The following ROBO2 variants were observed in gnomAD, a reference collection of about 807,000 sequenced individuals.
The protein encoded by ROBO2 is roundabout homolog 2.
ROBO2 carries 53 observed loss-of-function variants against 160.8 expected under a neutral mutation model. The ratio of observed to expected loss-of-function variants is 0.33; its 90% confidence interval spans 0.26 to 0.41. The LOEUF is 0.41. ROBO2 is among the 10% of genes least tolerant of loss of function. The pLI is 1.00. For synonymous variants in ROBO2, 664 were observed against 611.7 expected, an observed-to-expected ratio of 1.09 and a Z score of -1.26; for missense variants, 1,577 against 1,722.4, an observed-to-expected ratio of 0.92 and a Z score of 1.49.
chr3:77,384,861 C>A (rs1477735130), intron 2 of ROBO2, among the ~76,000 whole-genome samples: 1 of 152,118 alleles, frequency 6.6e-6, no homozygotes, highest in African/African-American at 2.4e-5. Flanking sequence ...ATAAATTTCC[C>A]TTCCCCCATT....
chr3:77,291,462 G>A lies in ROBO2; in HGVS notation c.389-185952G>A, dbSNP rs62249759. On this transcript the variant is annotated intron_variant, in intron 2 of 25. Transcript: ENST00000461745. ...ACCCCAGACATGAAGTAAAATTGAT[G>A]GTTAAACGGGTAGGCTGAGGCTAGA... Among the ~76,000 whole-genome samples the A allele has an allele frequency of 4.6e-3, 687 of 150,700 alleles. 6 individuals carry two copies. The highest frequency in any genetic ancestry group is 0.011 in the Middle Eastern group (3 of 272).
chr3:76,369,609 C>T (rs2076001241), intron 2 of ROBO2, among the ~76,000 whole-genome samples: 1 of 151,902 alleles, frequency 6.6e-6, no homozygotes, highest in Non-Finnish European at 1.5e-5. Context: ...CGTTCTCTCA[C>T]ATTTATTGTA....
At chr3:76,368,756 G>T (rs759627756) in intron 2 of ROBO2, among the ~76,000 whole-genome samples, 9 of 151,912 alleles carry the variant, frequency 5.9e-5, no homozygotes, top group Admixed American at 1.3e-4. Flanking sequence ...CAGGACGTGG[G>T]ATCTATGTTC....
chr3:76,408,270 C>G (rs1244901274), intron 2 of ROBO2, among the ~76,000 whole-genome samples: 1 of 151,990 alleles, frequency 6.6e-6, no homozygotes, highest in African/African-American at 2.4e-5. Context: ...AAGGTGGGCT[C>G]AGTTGGCATG....
At chr3:75,980,588 G>A (rs975813810) in intron 2 of ROBO2, among the ~76,000 whole-genome samples, 3 of 151,518 alleles carry the variant, frequency 2.0e-5, no homozygotes, top group African/African-American at 2.4e-5. Flanking sequence ...TCGAGTTTCT[G>A]TAGTCAAACT....
chr3:76,176,427 A>G (rs2073233991), intron 2 of ROBO2, among the ~76,000 whole-genome samples: 1 of 152,152 alleles, frequency 6.6e-6, no homozygotes, highest in Admixed American at 6.6e-5. Flanking sequence ...AATTTTGTGG[A>G]TAGTCATGAA....
chr3:77,283,267 G>A (rs1352777821), intron 2 of ROBO2, among the ~76,000 whole-genome samples: 3 of 152,152 alleles, frequency 2.0e-5, no homozygotes, highest in Admixed American at 6.5e-5. Flanking sequence ...TCAGCCAAGC[G>A]TGAAGGAGCA....
chr3:76,222,182 C>T (rs1328477243), intron 2 of ROBO2, among the ~76,000 whole-genome samples: 2 of 152,132 alleles, frequency 1.3e-5, no homozygotes, highest in African/African-American at 2.4e-5. Flanking sequence ...CCACGTGGCA[C>T]CAAAACACGT....
rs143820274 is a variant in ROBO2, at chr3:76,908,420, G to C, written c.110-189594G>C. 1.3e-3 allele frequency among the ~76,000 whole-genome samples: 194 copies of C among 152,178 alleles called. 3 individuals carry two copies. The East Asian group carries it at 0.037, about 29-fold the overall frequency. On this transcript the variant is annotated intron_variant, in intron 2 of 26. Transcript: ENST00000487694. The stretch of plus-strand genomic sequence containing the variant: ...AAGCAGCATTCTCAGCACAGACCCA[G>C]ATATATCAGTCATTGATGTGACACC...
chr3:76,864,464 T>C (rs2071142741), intron 2 of ROBO2, among the ~76,000 whole-genome samples: 1 of 152,034 alleles, frequency 6.6e-6, no homozygotes, highest in East Asian at 1.9e-4. Flanking sequence ...TTTCTGCATT[T>C]CATATCCCAT....
At chr3:77,284,536 T>C (rs556088218) in intron 2 of ROBO2, among the ~76,000 whole-genome samples, 1 of 152,172 alleles carries the variant, frequency 6.6e-6, no homozygotes, top group Non-Finnish European at 1.5e-5. Flanking sequence ...TGCTAGGTCA[T>C]GGAGACTGAG....
At chr3:75,940,041 C>A (rs1947976434) in intron 2 of ROBO2, among the ~76,000 whole-genome samples, 1 of 152,092 alleles carries the variant, frequency 6.6e-6, no homozygotes. Context: ...AGATTATTTT[C>A]ACATTATTTC....
At chr3:76,687,686 A>G (rs1387165480) in intron 2 of ROBO2, among the ~76,000 whole-genome samples, 1 of 152,108 alleles carries the variant, frequency 6.6e-6, no homozygotes, top group Non-Finnish European at 1.5e-5. Flanking sequence ...GATCAGCTTC[A>G]AAAAGCAGGA....
At chr3:77,066,438 A>C (rs950867120) in intron 1 of ROBO2, among the ~76,000 whole-genome samples, 5 of 152,288 alleles carry the variant, frequency 3.3e-5, no homozygotes, top group East Asian at 3.9e-4. Context: ...TCTTTGTTCT[A>C]TAGTTTCCTG....
At chr3:77,346,807 A>G (rs1198910073) in intron 2 of ROBO2, among the ~76,000 whole-genome samples, 4 of 152,058 alleles carry the variant, frequency 2.6e-5, no homozygotes. Flanking sequence ...AGCCGGCAAA[A>G]CGATCAAGTC....
chr3:77,323,262 C>T (rs1210023722), intron 2 of ROBO2, among the ~76,000 whole-genome samples: 1 of 151,422 alleles, frequency 6.6e-6, no homozygotes, highest in Non-Finnish European at 1.5e-5. Context: ...TCCAACTGCC[C>T]AGGACTATGA....
At chr3:77,441,926 C>A (rs1253358959) in intron 2 of ROBO2, among the ~76,000 whole-genome samples, 1 of 152,144 alleles carries the variant, frequency 6.6e-6, no homozygotes, top group Non-Finnish European at 1.5e-5. Flanking sequence ...AAACATTTTA[C>A]ATTTAAGATA....
At chr3:76,613,460 A>C (rs1268423498) in intron 2 of ROBO2, among the ~76,000 whole-genome samples, 1 of 152,108 alleles carries the variant, frequency 6.6e-6, no homozygotes, top group African/African-American at 2.4e-5. Context: ...TGTCAGCATT[A>C]AATGTCTTTT....
Position 76,608,009 on chromosome 3 carries a change from A to G in ROBO2, c.110-490005A>G, listed in dbSNP as rs576154617. Among the ~76,000 whole-genome samples the G allele has an allele frequency of 2.2e-3, 338 of 152,368 alleles. 1 individual carries two copies. The highest frequency in any genetic ancestry group is 3.8e-3 in the Non-Finnish European group (261 of 68,040). ...CTTATGGATTCATAGAGTTGTTAACATGATTTTCTTTAAAGAGAAAAACAA... is the reference window on the plus strand; with the variant it reads ...CTTATGGATTCATAGAGTTGTTAACGTGATTTTCTTTAAAGAGAAAAACAA... On this transcript the variant is annotated intron_variant, in intron 2 of 26. Coordinates refer to the ROBO2 transcript ENST00000487694.
Sources: gnomAD v4.1 joint callset for allele counts (sites outside exome capture counted in the v4.1 genomes callset) on GRCh38, gnomAD v4.1.1 for gene constraint, MANE v1.5 for transcripts, NCBI Gene and HGNC (gene_info 2026-07-23, HGNC 2026-07-21) for gene names.